Variants in NTRK2 observed in about 807,000 individuals in gnomAD.
NTRK2 encodes the protein neurotrophic receptor tyrosine kinase 2, also known as BDNF/NT-3 growth factors receptor.
NTRK2 carries 13 observed loss-of-function variants against 94.5 expected under a neutral mutation model. The observed-to-expected ratio is 0.14, with a 90% confidence interval of 0.09 to 0.22. The LOEUF is 0.22. Among genes scored for constraint, NTRK2 ranks in the 10% least tolerant of loss-of-function variants. The probability of loss-of-function intolerance (pLI) is 1.00; values close to 1 mark genes in which losing one functional copy is unlikely to be tolerated. For synonymous variants in NTRK2, 372 were observed against 407.4 expected, an observed-to-expected ratio of 0.91 and a Z score of 1.05; for missense variants, 639 against 1,071.2, an observed-to-expected ratio of 0.60 and a Z score of 5.63.
At chr9:84,732,910 A>G (rs2062989609) in intron 9 of NTRK2, among the ~76,000 whole-genome samples, 1 of 152,154 alleles carries the variant, frequency 6.6e-6, no homozygotes, top group Non-Finnish European at 1.5e-5. Flanking sequence ...TGGCACAAGC[A>G]ACTCCTAACT....
At chr9:84,789,929 C>T (rs2068553335) in intron 12 of NTRK2, among the ~76,000 whole-genome samples, 1 of 152,168 alleles carries the variant, frequency 6.6e-6, no homozygotes, top group African/African-American at 2.4e-5. Flanking sequence ...TTCTATTCCT[C>T]CTGGGCAATA....
chr9:84,918,069 A>G (rs1197082560), intron 14 of NTRK2, among the ~76,000 whole-genome samples: 1 of 152,232 alleles, frequency 6.6e-6, no homozygotes, highest in Non-Finnish European at 1.5e-5. Flanking sequence ...TTGACTTACA[A>G]AAGTGGAGGC....
chr9:84,936,327 T>A (rs2078212053), intron 15 of NTRK2, among the ~76,000 whole-genome samples: 1 of 152,200 alleles, frequency 6.6e-6, no homozygotes, highest in African/African-American at 2.4e-5. Context: ...TGTGTTATAT[T>A]TCCTTCCAAA....
chr9:84,842,010 AT>A (rs1230871359), intron 12 of NTRK2, among the ~76,000 whole-genome samples: 1 of 152,206 alleles, frequency 6.6e-6, no homozygotes, highest in Admixed American at 6.5e-5. Flanking sequence ...GTTCAATCCC[AT>A]AGACAAAACA....
chr9:84,942,030 T>A (rs998325018), intron 15 of NTRK2, among the ~76,000 whole-genome samples: 11 of 152,204 alleles, frequency 7.2e-5, no homozygotes, highest in African/African-American at 2.4e-4. Flanking sequence ...GGTTGTCACT[T>A]GGTACATAAT....
chr9:84,761,818 T>A (rs2065596046), intron 12 of NTRK2, among the ~76,000 whole-genome samples: 2 of 152,176 alleles, frequency 1.3e-5, no homozygotes, highest in African/African-American at 4.8e-5. Context: ...TCCCAGTGAA[T>A]CTGTTTACTG....
chr9:85,002,357 G>C (rs374756915), intron 17 of NTRK2, among the ~76,000 whole-genome samples: 15 of 152,182 alleles, frequency 9.9e-5, no homozygotes, highest in African/African-American at 3.6e-4. Context: ...AAGGCTCGAG[G>C]TTTGCATCTG....
chr9:84,744,222 C>T (rs2063871483), intron 10 of NTRK2, among the ~76,000 whole-genome samples: 3 of 152,116 alleles, frequency 2.0e-5, no homozygotes, highest in African/African-American at 7.2e-5. Context: ...TATTTCTATC[C>T]TGACCCATGT....
intron 12 of NTRK2, among the ~76,000 whole-genome samples, chr9:84,770,998 A>G (rs894064660): frequency 4.6e-5 from 7 of 152,236 alleles, no homozygotes; most frequent in African/African-American, 1.7e-4. Flanking sequence ...ACTTACTAAA[A>G]TGAAAGGAGA....
At chr9:84,681,820 T>C (rs975853865) in intron 2 of NTRK2, among the ~76,000 whole-genome samples, 2 of 152,164 alleles carry the variant, frequency 1.3e-5, no homozygotes, top group African/African-American at 4.8e-5. Context: ...TTGTTTATTT[T>C]TGTTTCAGTT....
At chr9:84,995,470 A>G (rs1305625185) in intron 17 of NTRK2, among the ~76,000 whole-genome samples, 1 of 152,162 alleles carries the variant, frequency 6.6e-6, no homozygotes, top group African/African-American at 2.4e-5. Flanking sequence ...GCCCAAATGA[A>G]TAACACATAT....
At chr9:84,716,998 G>T (rs891772693) in intron 6 of NTRK2, among the ~76,000 whole-genome samples, 7 of 152,198 alleles carry the variant, frequency 4.6e-5, no homozygotes, top group African/African-American at 1.7e-4. Context: ...AGGAGGCAAA[G>T]AACTTGGAAG....
intron 14 of NTRK2, among the ~76,000 whole-genome samples, chr9:84,898,133 T>C (rs1159916553): frequency 6.6e-6 from 1 of 152,090 alleles, no homozygotes; most frequent in Non-Finnish European, 1.5e-5. Flanking sequence ...ACTTCTGTCT[T>C]TTTGGGAAAT....
chr9:84,778,131 C>T (rs769871137), intron 12 of NTRK2, among the ~76,000 whole-genome samples: 6 of 152,026 alleles, frequency 3.9e-5, no homozygotes, highest in Non-Finnish European at 7.4e-5. Flanking sequence ...AGAGTGGTGG[C>T]GGGCACCTGT....
chr9:84,692,460 CTTTTTTTCTTTTTTTTTT>C (rs1378076608), intron 2 of NTRK2, among the ~76,000 whole-genome samples: 8 of 122,078 alleles, frequency 6.6e-5, no homozygotes, highest in East Asian at 2.5e-4. Context: ...TCTTTTTTTT[CTTTTTTTCTTTTTTTTTT>C]TTTTTTTTTT....
rs753056887 is a variant in NTRK2 at position 84,861,052 on chromosome 9, T to G, written c.1409T>G (p.Phe470Cys). ...TTGTGGTTTTCAGATTTCTCATGGT[T>G]TGGATTTGGGAAAGTAAAATCAAGA... ...SKFGMKDFSW[F>C]GFGKVKSRQG... The change falls in exon 13 of 19, where the codon TTT becomes TGT. Residue 470 changes from phenylalanine to cysteine, a missense_variant. This residue lies in a region of NTRK2 where 343 missense variants were observed against 571.5 expected (regional missense o/e 0.60). Coordinates refer to ENST00000277120, the MANE Select transcript of NTRK2 (RefSeq NM_006180.6). The G allele has an allele frequency of 3.1e-6, 5 of 1,613,628 alleles. No homozygotes were observed. The highest frequency in any genetic ancestry group is 4.2e-6 in the Non-Finnish European group (5 of 1,179,694).
chr9:84,986,696 CT>C (rs147434295), intron 17 of NTRK2, among the ~76,000 whole-genome samples: 24,716 of 152,124 alleles, frequency 0.16, 2,520 homozygotes, highest in African/African-American at 0.29. Context: ...GACTTGTTTC[CT>C]TTAGATATAG....
chr9:84,944,792 C>T (rs2165892), intron 15 of NTRK2, among the ~76,000 whole-genome samples: 79,202 of 152,142 alleles, frequency 0.52, 21,399 homozygotes, highest in South Asian at 0.68. Context: ...TGGATTCTTA[C>T]GTGAGCAAAC....
chr9:84,786,343 A>G (rs2068107087), intron 12 of NTRK2, among the ~76,000 whole-genome samples: 1 of 152,226 alleles, frequency 6.6e-6, no homozygotes, highest in Admixed American at 6.5e-5. Context: ...TGAGACTGAG[A>G]TACGAAGAGG....
Sources: gnomAD v4.1 joint callset for allele counts (sites outside exome capture counted in the v4.1 genomes callset) on GRCh38, gnomAD v4.1.1 for gene constraint, gnomAD v4.1.1 regional missense constraint, MANE v1.5 for transcripts, NCBI Gene and HGNC (gene_info 2026-07-23, HGNC 2026-07-21) for gene names.